FBN2: variants seen among roughly 807,000 people sequenced by gnomAD.
FBN2 encodes the protein fibrillin 2.
In FBN2, 105 loss-of-function variants were observed where a neutral mutation model predicts 355.6. The ratio of observed to expected loss-of-function variants is 0.30; its 90% confidence interval spans 0.25 to 0.35. The LOEUF (loss-of-function observed/expected upper bound fraction) is 0.35, where lower values mean the gene tolerates loss of function less well. FBN2 is among the 10% of genes least tolerant of loss of function. The pLI, the probability that FBN2 is intolerant of heterozygous loss-of-function variation, is 1.00. For synonymous variants in FBN2, 1,350 were observed against 1,301.2 expected, an observed-to-expected ratio of 1.04 and a Z score of -0.81; for missense variants, 3,280 against 3,758.7, an observed-to-expected ratio of 0.87 and a Z score of 3.33.
intron 25 of FBN2, among the ~76,000 whole-genome samples, 159 bp downstream of exon 25, chr5:128,344,225 TG>T (rs747402327): frequency 2.6e-5 from 4 of 152,192 alleles, no homozygotes; most frequent in Non-Finnish European, 4.4e-5. Flanking sequence ...CACTCCAGCC[TG>T]GGCGACTAAG....
intron 45 of FBN2, among the ~76,000 whole-genome samples, chr5:128,303,396 C>T (rs1438619514): frequency 6.6e-6 from 1 of 152,072 alleles, no homozygotes; most frequent in African/African-American, 2.4e-5. Context: ...GCTTAATAAT[C>T]GTAAATAAAA....
intron 7 of FBN2, among the ~76,000 whole-genome samples, chr5:128,416,729 C>A (rs1412984302): frequency 6.6e-6 from 1 of 152,124 alleles, no homozygotes. Context: ...GGATTTATTT[C>A]TGGGTTCTCC....
intron 3 of FBN2, among the ~76,000 whole-genome samples, 190 bp downstream of exon 3, chr5:128,530,404 CA>C (rs2112801330): frequency 1.3e-5 from 2 of 152,260 alleles, no homozygotes; most frequent in South Asian, 4.1e-4. Flanking sequence ...TTCCTTGGGC[CA>C]GTTAATTAAA....
chr5:128,267,283 C>T (rs188064917), intron 62 of FBN2, among the ~76,000 whole-genome samples: 38 of 152,226 alleles, frequency 2.5e-4, no homozygotes, highest in East Asian at 1.9e-3. Flanking sequence ...AGTAAACATA[C>T]GTGTGCATGT....
rs377599652 is a variant in FBN2 at position 128,491,166 on chromosome 5, C to A, written c.629-26245G>T. Reference sequence around the variant, plus strand: ...AATTTTCTAAAAAAGGAAAGGACTTCTTTTTCAAGTTACAATTAAGAAAGA... The same window carrying A: ...AATTTTCTAAAAAAGGAAAGGACTTATTTTTCAAGTTACAATTAAGAAAGA... On this transcript the variant is annotated intron_variant, in intron 5 of 64. Transcript: ENST00000262464. Among the ~76,000 whole-genome samples the A allele has an allele frequency of 2.6e-5, 4 of 152,160 alleles. No homozygotes were observed. The South Asian group carries it at 8.3e-4, about 32-fold the overall frequency.
Position 128,278,828 on chromosome 5 carries a change from A to G in FBN2, c.7152T>C (p.Gly2384=), listed in dbSNP as rs1765462900. 1.2e-6 allele frequency: 2 copies of G among 1,613,184 alleles called. No homozygotes were observed. Among genetic ancestry groups the G allele is most frequent in the Non-Finnish European group, 1.7e-6 (2 of 1,179,520 alleles). The change falls in exon 57 of 65, where the codon GGT becomes GGC. Residue 2384 remains glycine (G), a synonymous_variant. Coordinates refer to ENST00000262464, the MANE Select transcript of FBN2 (RefSeq NM_001999.4). ...TCTGCAGTACCTCTGCAAAGCAGAG[A>G]CCCTGTCGATTGTCTGAAATGGCAA... ...SGTECLDNRQ[G]LCFAEVLQTI...
At chr5:128,499,888 G>C (rs1755759075) in intron 5 of FBN2, among the ~76,000 whole-genome samples, 1 of 151,860 alleles carries the variant, frequency 6.6e-6, no homozygotes, top group South Asian at 2.1e-4. Context: ...ACAAACATAA[G>C]GCTTTGCCCA....
At chr5:128,410,791 T>C (rs72785132) in intron 7 of FBN2, among the ~76,000 whole-genome samples, 3 of 152,344 alleles carry the variant, frequency 2.0e-5, no homozygotes, top group African/African-American at 4.8e-5. Context: ...AAAAAACCTA[T>C]GTGTTTCACA....
At chr5:128,477,348 T>C (rs527398191) in intron 5 of FBN2, among the ~76,000 whole-genome samples, 27 of 152,072 alleles carry the variant, frequency 1.8e-4, no homozygotes, top group African/African-American at 6.5e-4. Context: ...CAGCATTTGG[T>C]GTAGAGGTAA....
At chr5:128,370,127 C>T (rs1405338253) in intron 15 of FBN2, among the ~76,000 whole-genome samples, 1 of 151,998 alleles carries the variant, frequency 6.6e-6, no homozygotes, top group Non-Finnish European at 1.5e-5. Flanking sequence ...AATGCTATAC[C>T]CCAAAGAAGC....
chr5:128,294,780 T>G (rs1165775253), intron 48 of FBN2, among the ~76,000 whole-genome samples: 1 of 150,276 alleles, frequency 6.7e-6, no homozygotes, highest in Non-Finnish European at 1.5e-5. Context: ...TCCCATTTTG[T>G]AGGTTGCCTG....
chr5:128,263,535 G>A lies in FBN2; in HGVS notation c.8082C>T (p.His2694=), dbSNP rs142755118. Residue 2694 remains histidine (H), a synonymous_variant, in exon 63 of 65, where the codon CAC becomes CAT. Coordinates refer to ENST00000262464, the MANE Select transcript of FBN2 (RefSeq NM_001999.4). ...FSFDQFSSAC[H]DVNECSSSKN... is the part of the protein sequence containing the mutation. ...TGGAGGACGAGCACTCATTCACGTC[G>A]TGGCAGGCACTGGAGAACTGGTCGA... 24 of 1,614,110 alleles carry A rather than the reference G, an allele frequency of 1.5e-5. No individual in the cohort carries two copies. Among genetic ancestry groups the A allele is most frequent in the African/African-American group, 1.2e-4 (9 of 75,032 alleles).
intron 7 of FBN2, among the ~76,000 whole-genome samples, chr5:128,439,394 T>A (rs1044536835): frequency 6.6e-6 from 1 of 152,192 alleles, no homozygotes; most frequent in African/African-American, 2.4e-5. Context: ...CCCTCACCAA[T>A]ACAGTTTGCC....
intron 7 of FBN2, among the ~76,000 whole-genome samples, chr5:128,437,940 T>C (rs1443101948): frequency 6.6e-6 from 1 of 152,170 alleles, no homozygotes; most frequent in East Asian, 1.9e-4. Flanking sequence ...CAGTAGGCCA[T>C]GTAGTTTGTT....
intron 2 of FBN2, among the ~76,000 whole-genome samples, chr5:128,536,083 G>GT (rs1235517716): frequency 6.6e-6 from 1 of 152,096 alleles, no homozygotes; most frequent in Non-Finnish European, 1.5e-5. Context: ...AGAAAAAGTG[G>GT]TTTTGAGTTA....
At chr5:128,416,415 A>G (rs569350791) in intron 7 of FBN2, among the ~76,000 whole-genome samples, 2 of 152,304 alleles carry the variant, frequency 1.3e-5, no homozygotes, top group Admixed American at 1.3e-4. Context: ...TTTTAGTTTA[A>G]TAGAGTCCCA....
chr5:128,260,727 A>C (rs1764943539), intron 64 of FBN2, among the ~76,000 whole-genome samples: 1 of 152,238 alleles, frequency 6.6e-6, no homozygotes, highest in Non-Finnish European at 1.5e-5. Context: ...TTATTATAAA[A>C]TAGCATCATG....
intron 6 of FBN2, among the ~76,000 whole-genome samples, chr5:128,463,901 T>A (rs1240629676): frequency 6.6e-6 from 1 of 152,128 alleles, no homozygotes; most frequent in Admixed American, 6.6e-5. Flanking sequence ...AATACAAAAA[T>A]CATTTCTGTT....
chr5:128,303,128 C>G (rs1470500503), intron 45 of FBN2, 39 bp from the exon 46 acceptor site: 2 of 1,280,318 alleles, frequency 1.6e-6, no homozygotes, highest in African/African-American at 2.9e-5. Context: ...CAATTTTTAA[C>G]TAGAAAAAAA....
Sources: gnomAD v4.1 joint callset for allele counts (sites outside exome capture counted in the v4.1 genomes callset) on GRCh38, gnomAD v4.1.1 for gene constraint, MANE v1.5 for transcripts, NCBI Gene and HGNC (gene_info 2026-07-23, HGNC 2026-07-21) for gene names.